The following MYO3B variants were observed in gnomAD, a reference collection of about 807,000 sequenced individuals.
The protein encoded by MYO3B is myosin-IIIb.
MYO3B carries 156 observed loss-of-function variants against 174.6 expected under a neutral mutation model. The ratio of observed to expected loss-of-function variants is 0.89; its 90% CI spans 0.78 to 1.02. The LOEUF (loss-of-function observed/expected upper bound fraction) is 1.02. MYO3B is among the 50% of genes least tolerant of loss of function. The pLI is 0.00. For missense variants in MYO3B, 1,632 were observed against 1,639.4 expected (o/e 1.00, Z 0.08); for synonymous variants, 563 against 569.1 (o/e 0.99, Z 0.15).
intron 32 of MYO3B, chr2:170,641,104 C>G (rs528385133): frequency 6.6e-6 from 1 of 152,182 alleles, no homozygotes; most frequent in African/African-American, 2.4e-5. Context: ...CAACCTGTTC[C>G]GTCCACTTTA....
intron 30 of MYO3B, among the ~76,000 whole-genome samples, chr2:170,538,994 AT>A (rs1689902790): frequency 6.6e-6 from 1 of 152,240 alleles, no homozygotes. Flanking sequence ...TCATAAATGA[AT>A]TAATTCCTTA....
At chr2:170,647,495 A>G (rs1263202302) in intron 32 of MYO3B, among the ~76,000 whole-genome samples, 1 of 152,208 alleles carries the variant, frequency 6.6e-6, no homozygotes, top group Admixed American at 6.5e-5. Context: ...TCATTGTATC[A>G]GTGACACTCA....
At chr2:170,241,533 A>G (rs2093133727) in intron 7 of MYO3B, among the ~76,000 whole-genome samples, 1 of 152,212 alleles carries the variant, frequency 6.6e-6, no homozygotes, top group Non-Finnish European at 1.5e-5. Context: ...TGCAGAGATG[A>G]CAGAGTTTTT....
At chr2:170,296,962 CA>C (rs1300862941) in intron 7 of MYO3B, among the ~76,000 whole-genome samples, 1 of 152,156 alleles carries the variant, frequency 6.6e-6, no homozygotes, top group Non-Finnish European at 1.5e-5. Flanking sequence ...TAAGCCATGA[CA>C]AACCGCACCC....
At chr2:170,539,924 A>G (rs1689977245) in intron 30 of MYO3B, among the ~76,000 whole-genome samples, 1 of 152,068 alleles carries the variant, frequency 6.6e-6, no homozygotes, top group Non-Finnish European at 1.5e-5. Flanking sequence ...ACCCAGCAAC[A>G]ATTGATAATT....
chr2:170,608,059 G>A (rs1188805373), intron 32 of MYO3B, among the ~76,000 whole-genome samples: 6 of 152,200 alleles, frequency 3.9e-5, no homozygotes, highest in Non-Finnish European at 8.8e-5. Flanking sequence ...GAAGTTGCCT[G>A]AAATTTGGGG....
At chr2:170,329,403 AT>A (rs113629396) in intron 7 of MYO3B, among the ~76,000 whole-genome samples, 18,607 of 148,914 alleles carry the variant, frequency 0.12, 1,952 homozygotes, top group African/African-American at 0.28. Flanking sequence ...ACTATTGGGG[AT>A]TTTTTTTTTC....
chr2:170,588,238 C>G (rs1467201804), intron 32 of MYO3B, among the ~76,000 whole-genome samples: 2 of 151,940 alleles, frequency 1.3e-5, no homozygotes, highest in Admixed American at 1.3e-4. Context: ...TTCAAGACAG[C>G]CTGGGCAACA....
intron 25 of MYO3B, among the ~76,000 whole-genome samples, chr2:170,491,810 T>A (rs959126557): frequency 6.6e-6 from 1 of 152,212 alleles, no homozygotes; most frequent in African/African-American, 2.4e-5. Flanking sequence ...ATGTCAGCAC[T>A]TTGGAAGGCC....
chr2:170,280,841 G>T (rs2093503147), intron 7 of MYO3B, among the ~76,000 whole-genome samples: 2 of 152,054 alleles, frequency 1.3e-5, no homozygotes, highest in South Asian at 4.1e-4. Flanking sequence ...CTGTGTACCT[G>T]TTTTTGTATC....
intron 8 of MYO3B, among the ~76,000 whole-genome samples, chr2:170,367,701 G>C (rs2094209454): frequency 6.6e-6 from 1 of 152,142 alleles, no homozygotes; most frequent in Non-Finnish European, 1.5e-5. Flanking sequence ...GTTACATATA[G>C]AGATGAATAT....
intron 7 of MYO3B, among the ~76,000 whole-genome samples, chr2:170,303,205 G>A (rs900436986): frequency 2.6e-5 from 4 of 152,052 alleles, no homozygotes; most frequent in Non-Finnish European, 5.9e-5. Flanking sequence ...ACTAAAAAAA[G>A]TATTATAATA....
rs552236078 is a variant in MYO3B at position 170,600,324 on chromosome 2, G to C, written c.3734-51304G>C. Reference sequence around the variant, plus strand: ...CTATTTTAGAATACTGGCACTTCAAGAAAACAATAATCTCGAAAACCACAA... The same window carrying C: ...CTATTTTAGAATACTGGCACTTCAACAAAACAATAATCTCGAAAACCACAA... On this transcript the variant is annotated intron_variant, in intron 32 of 34. Coordinates refer to ENST00000408978, the MANE Select transcript of MYO3B (RefSeq NM_138995.5). Among the ~76,000 whole-genome samples the C allele has an allele frequency of 6.6e-5, 10 of 152,184 alleles. No individual in the cohort carries two copies. In the East Asian group the frequency reaches 1.7e-3, roughly 26 times the overall value.
At chr2:170,596,703 C>A (rs182585021) in intron 32 of MYO3B, among the ~76,000 whole-genome samples, 1 of 152,208 alleles carries the variant, frequency 6.6e-6, no homozygotes, top group Non-Finnish European at 1.5e-5. Context: ...CCCGCTGCCC[C>A]CCCAGGGCCT....
At chr2:170,617,532 T>C (rs1396288123) in intron 32 of MYO3B, among the ~76,000 whole-genome samples, 1 of 152,154 alleles carries the variant, frequency 6.6e-6, no homozygotes, top group Non-Finnish European at 1.5e-5. Context: ...GGTGACAAAG[T>C]GGATTTACTT....
chr2:170,576,545 T>C (rs1477729188), intron 32 of MYO3B, among the ~76,000 whole-genome samples: 1 of 152,200 alleles, frequency 6.6e-6, no homozygotes, highest in Non-Finnish European at 1.5e-5. Context: ...GGCAAAGAAG[T>C]ATGATTTGTG....
intron 32 of MYO3B, among the ~76,000 whole-genome samples, chr2:170,561,379 A>C (rs1691701305): frequency 1.3e-5 from 2 of 152,206 alleles, no homozygotes; most frequent in Non-Finnish European, 2.9e-5. Context: ...GAGGATTCTA[A>C]ACATTGCCCT....
At chr2:170,492,182 G>T (rs1394127531) in intron 25 of MYO3B, among the ~76,000 whole-genome samples, 2 of 152,224 alleles carry the variant, frequency 1.3e-5, no homozygotes, top group Non-Finnish European at 2.9e-5. Context: ...AAGTCAACTG[G>T]TCGGGCTGGC....
intron 23 of MYO3B, among the ~76,000 whole-genome samples, chr2:170,456,652 A>T (rs1575007872): frequency 2.0e-5 from 3 of 152,358 alleles, no homozygotes; most frequent in Middle Eastern, 6.8e-3. Flanking sequence ...TCTGCCACTG[A>T]ACGCACTTTG....
Sources: gnomAD v4.1 joint callset for allele counts (sites outside exome capture counted in the v4.1 genomes callset) on GRCh38, gnomAD v4.1.1 for gene constraint, MANE v1.5 for transcripts, NCBI Gene and HGNC (gene_info 2026-07-23, HGNC 2026-07-21) for gene names.